Variants in CMPK1 observed in about 807,000 individuals in gnomAD.
The protein encoded by CMPK1 is cytidine/uridine monophosphate kinase 1.
A neutral mutation model predicts 25.7 loss-of-function variants in CMPK1; 10 were observed. The ratio of observed to expected loss-of-function variants is 0.39; its 90% CI spans 0.24 to 0.66. CMPK1 has a LOEUF of 0.66. Among genes scored for constraint, CMPK1 ranks in the 30% least tolerant of loss-of-function variants. CMPK1 has a pLI of 0.48. For missense variants in CMPK1, 199 were observed against 280.5 expected, an observed-to-expected ratio of 0.71 and a Z score of 2.08; for synonymous variants, 106 against 101.5, an observed-to-expected ratio of 1.04 and a Z score of -0.27.
At position 47,365,002 on chromosome 1, in the gene CMPK1, C is replaced by G. The variant is rs1646629498; in HGVS notation, c.172-3467C>G. 2.0e-5 allele frequency among the ~76,000 whole-genome samples: 3 copies of G among 152,250 alleles called. No individual in the cohort carries two copies. In the South Asian group the frequency reaches 6.2e-4, roughly 31 times the overall value. ...TCTTGAGCGTCTGACCTCAAGCAAT[C>G]CTCTCACCTTGGCTTCCCAAAGTGC... is the stretch of plus-strand genomic sequence containing the variant. On this transcript the variant is annotated intron_variant, in intron 1 of 5. Coordinates refer to ENST00000371873, the MANE Select transcript of CMPK1 (RefSeq NM_016308.3).
intron 1 of CMPK1, among the ~76,000 whole-genome samples, chr1:47,366,717 T>TATA (rs1339621552): frequency 2.6e-5 from 4 of 152,078 alleles, no homozygotes; most frequent in African/African-American, 7.2e-5. Flanking sequence ...TGACAAACTG[T>TATA]ATAATAATAA....
At chr1:47,336,228 T>C (rs974645224) in intron 1 of CMPK1, among the ~76,000 whole-genome samples, 8 of 152,170 alleles carry the variant, frequency 5.3e-5, no homozygotes, top group African/African-American at 1.9e-4. Context: ...TTAAATAGCA[T>C]GATGGGGGAA....
Position 47,368,524 on chromosome 1 carries a change from A to G in CMPK1, c.227A>G (p.Asn76Ser). Reference sequence around the variant, plus strand: ...GAGCTGCTTCGTGATGAAAGGAAGAACCCAGATTCACAGTATGGTGAACTT... The same window carrying G: ...GAGCTGCTTCGTGATGAAAGGAAGAGCCCAGATTCACAGTATGGTGAACTT... ...AGELLRDERK[N>S]PDSQYGELIE... Residue 76 changes from asparagine (N) to serine (S), a missense_variant, in exon 2 of 6, where the codon AAC becomes AGC. Around this residue, in one of 2 missense-constraint regions of CMPK1, gnomAD observed 140 missense variants for 235.5 expected, o/e 0.59. Transcript: ENST00000371873. 6.2e-7 allele frequency: 1 copy of G among 1,613,448 alleles called. No individual in the cohort carries two copies. Among genetic ancestry groups the G allele is most frequent in the Non-Finnish European group, 8.5e-7 (1 of 1,179,628 alleles).
At chr1:47,367,541 A>C (rs11211524) in intron 1 of CMPK1, among the ~76,000 whole-genome samples, 39,169 of 152,116 alleles carry the variant, frequency 0.26, 6,240 homozygotes, top group East Asian at 0.54. Context: ...GCTAAAGATA[A>C]CATTTAATTT....
intron 1 of CMPK1, among the ~76,000 whole-genome samples, chr1:47,342,649 C>CTTTTTTTTTTTTTTTTTTTTTTT: frequency 8.6e-6 from 1 of 116,416 alleles, no homozygotes; most frequent in Non-Finnish European, 1.8e-5. Flanking sequence ...TCTCTTTTTT[C>CTTTTTTTTTTTTTTTTTTTTTTT]TTTTTTTTTT....
chr1:47,371,178 A>C (rs910903568), intron 2 of CMPK1, among the ~76,000 whole-genome samples: 1 of 152,178 alleles, frequency 6.6e-6, no homozygotes, highest in Non-Finnish European at 1.5e-5. Flanking sequence ...GGAACTAAAG[A>C]CATTGGGGAT....
chr1:47,339,785 G>A (rs1305395478), intron 1 of CMPK1, among the ~76,000 whole-genome samples: 1 of 135,044 alleles, frequency 7.4e-6, no homozygotes, highest in East Asian at 2.5e-4. Flanking sequence ...TCGGCTCACC[G>A]CAGCCTCCGC....
At chr1:47,353,080 T>G (rs1388833915) in intron 1 of CMPK1, among the ~76,000 whole-genome samples, 1 of 152,216 alleles carries the variant, frequency 6.6e-6, no homozygotes, top group Non-Finnish European at 1.5e-5. Flanking sequence ...AAAAGTCAAT[T>G]AAGAGAGGTT....
chr1:47,366,163 G>A (rs999147743), intron 1 of CMPK1, among the ~76,000 whole-genome samples: 12 of 152,164 alleles, frequency 7.9e-5, no homozygotes, highest in African/African-American at 2.9e-4. Context: ...TCCAGCCTAG[G>A]CGACAGAGCA....
chr1:47,355,538 C>T (rs1337856118), intron 1 of CMPK1, among the ~76,000 whole-genome samples: 1 of 150,894 alleles, frequency 6.6e-6, no homozygotes, highest in African/African-American at 2.4e-5. Flanking sequence ...TGGTCTGAAA[C>T]TCCTGACCTC....
rs888837936 is a variant in CMPK1 at position 47,364,546 on chromosome 1, T to A, written c.172-3923T>A. On this transcript the variant is annotated intron_variant, in intron 1 of 5. Transcript: ENST00000371873. Reference sequence around the variant, plus strand: ...GTTAGCCAGGATGGTCTTGATCTCCTGACCTGGTGATCCACCCGCCTCAGC... The same window carrying A: ...GTTAGCCAGGATGGTCTTGATCTCCAGACCTGGTGATCCACCCGCCTCAGC... Among the ~76,000 whole-genome samples the A allele has an allele frequency of 2.0e-5, 3 of 151,488 alleles. No individual in the cohort carries two copies. The East Asian group carries it at 5.8e-4, about 29-fold the overall frequency.
At chr1:47,344,178 T>G (rs761083930) in intron 1 of CMPK1, among the ~76,000 whole-genome samples, 2 of 151,954 alleles carry the variant, frequency 1.3e-5, no homozygotes, top group Non-Finnish European at 2.9e-5. Context: ...TCCTATGATA[T>G]AAATATACCA....
chr1:47,347,923 G>A (rs1170586469), intron 1 of CMPK1, among the ~76,000 whole-genome samples: 1 of 152,156 alleles, frequency 6.6e-6, no homozygotes, highest in Non-Finnish European at 1.5e-5. Context: ...GAGCCATCGT[G>A]CCCGGTCCAT....
intron 1 of CMPK1, among the ~76,000 whole-genome samples, chr1:47,361,993 C>T (rs1646606319): frequency 6.6e-6 from 1 of 151,496 alleles, no homozygotes; most frequent in South Asian, 2.1e-4. Flanking sequence ...GTCTCAGCCT[C>T]CTGAATACCT....
rs1646709893 is a variant in CMPK1, at chr1:47,376,565, C to T, written c.646-139C>T. The T allele has an allele frequency of 1.3e-5, 6 of 472,400 alleles. No individual in the cohort carries two copies. The East Asian group carries it at 2.2e-4, about 17-fold the overall frequency. 29.3% of individuals were successfully genotyped at this position (472,400 alleles called of 1,614,324 possible). A position where few individuals can be genotyped will look rare whatever the true frequency, so the allele number is the denominator to read the frequency against. ...TCCTGAACTCAAGTGATCTGCCCGC[C>T]TCGACCTCCCAAAGTGCTGGGATTA... On this transcript the variant is annotated intron_variant, in intron 5 of 5. Coordinates refer to ENST00000371873, the MANE Select transcript of CMPK1 (RefSeq NM_016308.3).
At chr1:47,340,883 C>T (rs1051824646) in intron 1 of CMPK1, among the ~76,000 whole-genome samples, 1 of 151,976 alleles carries the variant, frequency 6.6e-6, no homozygotes, top group South Asian at 2.1e-4. Flanking sequence ...GTGATCCGCC[C>T]GCCTCAGCCT....
At chr1:47,371,022 A>G (rs1199621454) in intron 2 of CMPK1, among the ~76,000 whole-genome samples, 1 of 152,162 alleles carries the variant, frequency 6.6e-6, no homozygotes, top group African/African-American at 2.4e-5. Flanking sequence ...TTTACTAGGT[A>G]ACTCTTCATT....
chr1:47,338,786 A>T (rs1445955901), intron 1 of CMPK1, among the ~76,000 whole-genome samples: 1 of 152,046 alleles, frequency 6.6e-6, no homozygotes, highest in Non-Finnish European at 1.5e-5. Flanking sequence ...GCAATAATTT[A>T]GTTATAAAAT....
intron 1 of CMPK1, among the ~76,000 whole-genome samples, chr1:47,339,711 T>C (rs1646425604): frequency 1.3e-5 from 1 of 78,126 alleles, no homozygotes; most frequent in South Asian, 3.6e-4. Context: ...CTTTTTTTTT[T>C]TTTTTTTTTT....
Sources: allele counts gnomAD v4.1 joint callset (sites outside exome capture counted in the v4.1 genomes callset), GRCh38; gene constraint gnomAD v4.1.1; regional missense constraint gnomAD v4.1.1; transcripts MANE v1.5; gene names NCBI Gene and HGNC (gene_info 2026-07-23, HGNC 2026-07-21).